Variants in NRXN3 observed in about 807,000 individuals in gnomAD.
NRXN3 encodes neurexin III.
NRXN3 carries 32 observed loss-of-function variants against 137.6 expected under a neutral mutation model. That is an observed-to-expected ratio of 0.23 (90% CI 0.18 to 0.31). The LOEUF (loss-of-function observed/expected upper bound fraction) is 0.31, where lower values mean the gene tolerates loss of function less well. Ranked by LOEUF, NRXN3 falls within the 10% of genes least tolerant of loss-of-function variation. The pLI is 1.00. For missense variants in NRXN3, 1,574 were observed against 2,062.5 expected (o/e 0.76, Z 4.59); for synonymous variants, 798 against 784.5 (o/e 1.02, Z -0.29).
At chr14:78,307,274 A>C (rs1027148090) in intron 4 of NRXN3, among the ~76,000 whole-genome samples, 3 of 152,064 alleles carry the variant, frequency 2.0e-5, no homozygotes, top group Admixed American at 2.0e-4. Flanking sequence ...GCCCATCACT[A>C]TAAGGTTCCA....
At position 78,320,848 on chromosome 14, in the gene NRXN3, T is replaced by A. The variant is rs554099754; in HGVS notation, c.757+22988T>A. Among the ~76,000 whole-genome samples the A allele has an allele frequency of 2.6e-5, 4 of 151,954 alleles. No individual in the cohort carries two copies. In the East Asian group the frequency reaches 7.8e-4, roughly 30 times the overall value. On this transcript the variant is annotated intron_variant, in intron 4 of 20. Coordinates refer to ENST00000335750, the MANE Select transcript of NRXN3 (RefSeq NM_001330195.2). ...ATCACCCAGCCCTGGCTGGGTGCGGTGGCTCATGCCTGTAATCCCAGAACT... is the reference window on the plus strand; with the variant it reads ...ATCACCCAGCCCTGGCTGGGTGCGGAGGCTCATGCCTGTAATCCCAGAACT...
intron 14 of NRXN3, chr14:78,972,909 G>A (rs1407100872): frequency 6.6e-6 from 1 of 152,270 alleles, no homozygotes; most frequent in South Asian, 2.1e-4. Flanking sequence ...TGACCTGCAA[G>A]GTAGAGAAGG....
intron 15 of NRXN3, among the ~76,000 whole-genome samples, chr14:79,195,696 T>C (rs1407805488): frequency 1.3e-5 from 2 of 152,042 alleles, no homozygotes; most frequent in Admixed American, 6.6e-5. Flanking sequence ...TAGGTGAAAA[T>C]GTTGCATCTC....
At chr14:78,511,811 G>A (rs1202554320) in intron 4 of NRXN3, among the ~76,000 whole-genome samples, 1 of 152,080 alleles carries the variant, frequency 6.6e-6, no homozygotes, top group Non-Finnish European at 1.5e-5. Context: ...ACTTCCAGGA[G>A]ATCTGGTTCT....
At chr14:79,471,808 T>C (rs370573199) in intron 16 of NRXN3, among the ~76,000 whole-genome samples, 19 of 152,252 alleles carry the variant, frequency 1.2e-4, no homozygotes, top group African/African-American at 4.3e-4. Context: ...ACCAAGACAG[T>C]TGAGTGCTAT....
At chr14:78,492,962 A>G (rs1599414623) in intron 4 of NRXN3, among the ~76,000 whole-genome samples, 1 of 152,202 alleles carries the variant, frequency 6.6e-6, no homozygotes, top group Non-Finnish European at 1.5e-5. Context: ...CTTAATTTTT[A>G]CATTTTTAAC....
At chr14:78,897,455 G>C (rs2152727932) in intron 10 of NRXN3, among the ~76,000 whole-genome samples, 1 of 151,670 alleles carries the variant, frequency 6.6e-6, no homozygotes, top group African/African-American at 2.4e-5. Flanking sequence ...AAAAACATCA[G>C]GAAAAGCTTA....
rs554198381 is a variant in NRXN3, at chr14:78,466,538, G to T, written c.757+168678G>T. ...AGTGTGGGCTAAAAGATGTAGAAAAGAAAGTGGTTTAATGGCTTGTGGAGA... is the reference window on the plus strand; with the variant it reads ...AGTGTGGGCTAAAAGATGTAGAAAATAAAGTGGTTTAATGGCTTGTGGAGA... On this transcript the variant is annotated intron_variant, in intron 4 of 20. Transcript: ENST00000335750. Among the ~76,000 whole-genome samples, 4 of 152,326 alleles carry T rather than the reference G, an allele frequency of 2.6e-5. No homozygotes were observed. The South Asian group carries it at 8.3e-4, about 32-fold the overall frequency.
intron 8 of NRXN3, among the ~76,000 whole-genome samples, chr14:78,793,053 A>G (rs921709920): frequency 2.0e-5 from 3 of 152,160 alleles, no homozygotes; most frequent in African/African-American, 7.2e-5. Flanking sequence ...GAGGGGATGG[A>G]TACCCCATTC....
At chr14:78,537,434 T>C (rs546830373) in intron 4 of NRXN3, among the ~76,000 whole-genome samples, 4 of 152,226 alleles carry the variant, frequency 2.6e-5, no homozygotes, top group Non-Finnish European at 5.9e-5. Flanking sequence ...TGTTCATATC[T>C]TTGCCCACTT....
intron 15 of NRXN3, among the ~76,000 whole-genome samples, chr14:79,326,798 A>G (rs1013128670): frequency 1.8e-4 from 28 of 152,202 alleles, no homozygotes; most frequent in Non-Finnish European, 1.5e-5. Context: ...TTAGTTTTAT[A>G]TACGAACAGA....
At chr14:79,716,149 G>C (rs1293651934) in intron 19 of NRXN3, among the ~76,000 whole-genome samples, 11 of 152,190 alleles carry the variant, frequency 7.2e-5, no homozygotes, top group Admixed American at 7.2e-4. Context: ...TGGGCTGCCT[G>C]CTCTCCCAGT....
At chr14:79,084,455 A>T (rs2152773119) in intron 15 of NRXN3, among the ~76,000 whole-genome samples, 1 of 152,338 alleles carries the variant, frequency 6.6e-6, no homozygotes, top group Non-Finnish European at 1.5e-5. Context: ...AATATTGCCA[A>T]CTGACTATCA....
At chr14:78,633,777 G>A (rs974894951) in intron 4 of NRXN3, among the ~76,000 whole-genome samples, 3 of 152,196 alleles carry the variant, frequency 2.0e-5, no homozygotes, top group Non-Finnish European at 4.4e-5. Context: ...AAAGCTTTAA[G>A]AGTACTGCAG....
At chr14:78,919,692 T>C (rs191195711) in intron 10 of NRXN3, among the ~76,000 whole-genome samples, 1 of 152,280 alleles carries the variant, frequency 6.6e-6, no homozygotes, top group Admixed American at 6.5e-5. Context: ...ATTGAAGATG[T>C]TAAGTGACTT....
In NRXN3 at chr14:79,845,900, C is replaced by CAG. The variant is rs1341679387; in HGVS notation, c.4094-15432_4094-15431dup. On this transcript the variant is annotated intron_variant, in intron 20 of 20. Coordinates refer to ENST00000335750, the MANE Select transcript of NRXN3 (RefSeq NM_001330195.2). ...AGAGAGAGAGAGATGGAGAGAAAGA[C>CAG]AGAGAGAGAGACGGAGACAGAGAGA... Among the ~76,000 whole-genome samples, 14 of 107,956 alleles carry CAG rather than the reference C, an allele frequency of 1.3e-4. 2 individuals carry two copies. In the East Asian group the frequency reaches 3.4e-3, roughly 26 times the overall value. The allele number at this position is 107,956 out of a possible 152,430, so 70.8% of individuals were successfully genotyped here.
At chr14:79,323,177 G>A (rs1024179908) in intron 15 of NRXN3, among the ~76,000 whole-genome samples, 3 of 152,144 alleles carry the variant, frequency 2.0e-5, no homozygotes, top group Non-Finnish European at 4.4e-5. Context: ...TGGACTGCAG[G>A]TGCATGCAAC....
chr14:78,893,580 A>G lies in NRXN3; in HGVS notation c.2276-63662A>G, dbSNP rs543822435. Among the ~76,000 whole-genome samples, 86 of 152,090 alleles carry G rather than the reference A, an allele frequency of 5.7e-4. 1 individual carries two copies. Among genetic ancestry groups the G allele is most frequent in the African/African-American group, 2.0e-3 (84 of 41,538 alleles). On this transcript the variant is annotated intron_variant, in intron 10 of 20. Coordinates refer to ENST00000335750, the MANE Select transcript of NRXN3 (RefSeq NM_001330195.2). ...GAAGGCTCCACTAGACCCTAATGAA[A>G]CAATCTCATTTATCTTCCCCACATC... is the stretch of plus-strand genomic sequence containing the variant.
chr14:79,307,859 A>AG (rs914455023), intron 15 of NRXN3, among the ~76,000 whole-genome samples: 127 of 147,574 alleles, frequency 8.6e-4, no homozygotes, highest in African/African-American at 3.1e-3. Context: ...CATTTGTATT[A>AG]GTTTGCTAGG....
Sources: gnomAD v4.1 joint callset for allele counts (sites outside exome capture counted in the v4.1 genomes callset) on GRCh38, gnomAD v4.1.1 for gene constraint, MANE v1.5 for transcripts, NCBI Gene and HGNC (gene_info 2026-07-23, HGNC 2026-07-21) for gene names.